Variants in CCSER1 observed in about 807,000 individuals in gnomAD.
CCSER1 encodes the protein serine-rich coiled-coil domain-containing protein 1.
Under a neutral mutation model 82.0 loss-of-function variants are expected in CCSER1, and 41 were observed. The ratio of observed to expected loss-of-function variants is 0.50; its 90% confidence interval spans 0.39 to 0.65. The LOEUF (loss-of-function observed/expected upper bound fraction) is 0.65. Among genes scored for constraint, CCSER1 ranks in the 30% least tolerant of loss-of-function variants. The pLI is 0.00. For synonymous variants in CCSER1, 414 were observed against 383.9 expected, an observed-to-expected ratio of 1.08 and a Z score of -0.92; for missense variants, 1,119 against 1,064.2, an observed-to-expected ratio of 1.05 and a Z score of -0.72.
chr4:90,184,287 C>T (rs1441292535), intron 1 of CCSER1, among the ~76,000 whole-genome samples: 1 of 152,072 alleles, frequency 6.6e-6, no homozygotes, highest in Non-Finnish European at 1.5e-5. Flanking sequence ...CTGGCCAATC[C>T]CATAGCATCT....
intron 10 of CCSER1, among the ~76,000 whole-genome samples, chr4:91,573,313 C>A (rs1410354357): frequency 6.6e-6 from 1 of 152,208 alleles, no homozygotes; most frequent in African/African-American, 2.4e-5. Flanking sequence ...TGGGTCTTAT[C>A]TTGTGAGACA....
At chr4:90,141,129 C>G (rs753025072) in intron 1 of CCSER1, among the ~76,000 whole-genome samples, 1 of 151,784 alleles carries the variant, frequency 6.6e-6, no homozygotes, top group Admixed American at 6.6e-5. Context: ...TCTGTAGAAC[C>G]GACTGGAAGG....
chr4:90,752,935 A>G (rs1488134721), intron 7 of CCSER1, among the ~76,000 whole-genome samples: 1 of 152,102 alleles, frequency 6.6e-6, no homozygotes, highest in African/African-American at 2.4e-5. Context: ...TCCCTTTTCC[A>G]ATCTCAATAA....
chr4:90,854,222 A>G (rs1302803484), intron 8 of CCSER1, among the ~76,000 whole-genome samples: 1 of 152,170 alleles, frequency 6.6e-6, no homozygotes, highest in Non-Finnish European at 1.5e-5. Context: ...TTGAGTTCTA[A>G]TTTAGATCTT....
intron 7 of CCSER1, chr4:90,780,714 CTTGCTCCAAGAATACTCCCTTTTTACT>C: frequency 2.3e-6 from 3 of 1,303,290 alleles, no homozygotes; most frequent in Non-Finnish European, 2.9e-6. Context: ...AGGAGGCCTC[CTTGCTCCAAGAATACTCCCTTTTTACT>C]TTATTAAAAT....
rs144866478 is a variant in CCSER1, at chr4:91,590,668, C to T, written c.2218-7904C>T. Among the ~76,000 whole-genome samples the T allele has an allele frequency of 3.2e-4, 48 of 152,160 alleles. No homozygotes were observed. The East Asian group carries it at 8.3e-3, about 26-fold the overall frequency. ...TTTACTTTACATCAACACATTGTGTCGTGATATATCAAAAGGAGCATTTAC... is the reference window on the plus strand; with the variant it reads ...TTTACTTTACATCAACACATTGTGTTGTGATATATCAAAAGGAGCATTTAC... On this transcript the variant is annotated intron_variant, in intron 10 of 10. Coordinates refer to ENST00000509176, the MANE Select transcript of CCSER1 (RefSeq NM_001145065.2).
chr4:91,217,787 C>G (rs373687725), intron 10 of CCSER1, among the ~76,000 whole-genome samples: 1 of 149,134 alleles, frequency 6.7e-6, no homozygotes, highest in African/African-American at 2.5e-5. Flanking sequence ...ACAGAGTGTC[C>G]ATTGGTGCAC....
intron 5 of CCSER1, among the ~76,000 whole-genome samples, chr4:90,488,268 G>A (rs996625916): frequency 6.6e-6 from 1 of 152,010 alleles, no homozygotes; most frequent in Non-Finnish European, 1.5e-5. Context: ...TGCAAGCTCC[G>A]CCTCGGCCTC....
chr4:90,602,689 A>G (rs1044129502), intron 5 of CCSER1, among the ~76,000 whole-genome samples: 1 of 152,196 alleles, frequency 6.6e-6, no homozygotes, highest in Non-Finnish European at 1.5e-5. Context: ...AGCAAACAAT[A>G]TGATCTTCAT....
At chr4:90,868,194 A>G (rs1169431953) in intron 8 of CCSER1, among the ~76,000 whole-genome samples, 1 of 152,066 alleles carries the variant, frequency 6.6e-6, no homozygotes, top group East Asian at 1.9e-4. Context: ...TTGTGTTGCA[A>G]ATAGTCCGGT....
At chr4:90,405,084 G>A (rs1050880946) in intron 4 of CCSER1, among the ~76,000 whole-genome samples, 2 of 152,080 alleles carry the variant, frequency 1.3e-5, no homozygotes, top group Non-Finnish European at 2.9e-5. Flanking sequence ...CCAGAGAAAG[G>A]TGAAGTCCAA....
At chr4:90,292,711 A>T (rs143530159) in intron 1 of CCSER1, among the ~76,000 whole-genome samples, 2 of 149,380 alleles carry the variant, frequency 1.3e-5, no homozygotes, top group Non-Finnish European at 3.0e-5. Flanking sequence ...ATATACTCAT[A>T]TTTTTTTTTT....
chr4:90,389,401 G>A (rs1044853337), intron 3 of CCSER1, among the ~76,000 whole-genome samples: 1 of 152,030 alleles, frequency 6.6e-6, no homozygotes, highest in Non-Finnish European at 1.5e-5. Context: ...TGCTTTTTCT[G>A]GATAATGTAT....
chr4:90,399,912 A>T (rs539316300), intron 3 of CCSER1, 124 bp from the exon 4 acceptor site: 1 of 513,338 alleles, frequency 1.9e-6, no homozygotes, highest in Non-Finnish European at 3.5e-6. Flanking sequence ...ATGATTTCTG[A>T]GACTCAGTTA....
chr4:91,317,621 C>T (rs550742538), intron 10 of CCSER1, among the ~76,000 whole-genome samples: 15 of 136,168 alleles, frequency 1.1e-4, no homozygotes, highest in African/African-American at 4.2e-4. Context: ...TGTGTGTGCG[C>T]ATGTGGGTGT....
intron 5 of CCSER1, among the ~76,000 whole-genome samples, chr4:90,492,662 A>G (rs569449092): frequency 2.0e-5 from 3 of 152,280 alleles, no homozygotes; most frequent in African/African-American, 4.8e-5. Context: ...ATTTAGTGCT[A>G]TAAGTTTCCC....
intron 1 of CCSER1, among the ~76,000 whole-genome samples, chr4:90,220,455 T>C (rs966185411): frequency 6.6e-6 from 1 of 152,142 alleles, no homozygotes; most frequent in African/African-American, 2.4e-5. Context: ...TATTTCTTTT[T>C]GATTTGCTTT....
At chr4:90,491,014 G>C (rs916185492) in intron 5 of CCSER1, among the ~76,000 whole-genome samples, 1 of 151,994 alleles carries the variant, frequency 6.6e-6, no homozygotes, top group African/African-American at 2.4e-5. Context: ...GGCCCTTTTT[G>C]GTTCCATAGG....
intron 9 of CCSER1, among the ~76,000 whole-genome samples, chr4:91,054,831 A>T (rs929761218): frequency 2.0e-5 from 3 of 152,098 alleles, no homozygotes; most frequent in Non-Finnish European, 4.4e-5. Flanking sequence ...TTTGAACAGC[A>T]TGTTGGTGCT....
Sources: gnomAD v4.1 joint callset for allele counts (sites outside exome capture counted in the v4.1 genomes callset) on GRCh38, gnomAD v4.1.1 for gene constraint, MANE v1.5 for transcripts, NCBI Gene and HGNC (gene_info 2026-07-23, HGNC 2026-07-21) for gene names.